Variants in DSCAML1 observed in about 807,000 individuals in gnomAD.
The protein encoded by DSCAML1 is cell adhesion molecule DSCAML1.
A neutral mutation model predicts 200.5 loss-of-function variants in DSCAML1; 38 were observed. That is an observed-to-expected ratio of 0.19 (90% CI 0.15 to 0.25). The LOEUF (loss-of-function observed/expected upper bound fraction) is 0.25. Among genes scored for constraint, DSCAML1 ranks in the 10% least tolerant of loss-of-function variants. The pLI is 1.00. For synonymous variants in DSCAML1, 1,215 were observed against 1,165.0 expected, an observed-to-expected ratio of 1.04 and a Z score of -0.87; for missense variants, 2,223 against 2,858.8, an observed-to-expected ratio of 0.78 and a Z score of 5.07.
chr11:117,554,342 A>C (rs1471472320), intron 3 of DSCAML1, among the ~76,000 whole-genome samples: 1 of 152,092 alleles, frequency 6.6e-6, no homozygotes, highest in Non-Finnish European at 1.5e-5. Context: ...TAAAAGACAG[A>C]TACCATGGAC....
chr11:117,431,810 G>C, intron 30 of DSCAML1, 82 bp from the exon 31 acceptor site: 1 of 1,374,020 alleles, frequency 7.3e-7, no homozygotes, highest in Non-Finnish European at 9.8e-7. Context: ...AGAAAGGGCA[G>C]GGGGGAGCAA....
chr11:117,521,760 A>AC (rs199665978), intron 5 of DSCAML1, among the ~76,000 whole-genome samples: 47 of 140,664 alleles, frequency 3.3e-4, no homozygotes, highest in African/African-American at 1.1e-3. Context: ...CACCTCAGAA[A>AC]CCGGGGGGGG....
In DSCAML1 at chr11:117,516,227, T is replaced by C. The variant is rs762737825; in HGVS notation, c.1783+240A>G. 4.6e-5 allele frequency among the ~76,000 whole-genome samples: 7 copies of C among 152,150 alleles called. No individual in the cohort carries two copies. Among genetic ancestry groups the C allele is most frequent in the Non-Finnish European group, 8.8e-5 (6 of 68,030 alleles). ...AACTCACCCTCTCATGCACCTGGGG[T>C]GTGTGCTGTCTTATTCTGCAGCCCG... On this transcript the variant is annotated intron_variant, in intron 8 of 32. Transcript: ENST00000651296. This position sits in a 1 kb window ranked among gnomAD's most constrained non-coding sequence, Gnocchi z 5.7.
intron 3 of DSCAML1, among the ~76,000 whole-genome samples, chr11:117,591,561 G>C (rs1015922968): frequency 2.6e-5 from 4 of 152,226 alleles, no homozygotes; most frequent in Admixed American, 2.6e-4. Flanking sequence ...TGGGGACGTG[G>C]AGAAGTAGGA....
At chr11:117,781,462 A>G (rs2134055810) in intron 1 of DSCAML1, among the ~76,000 whole-genome samples, 1 of 152,334 alleles carries the variant, frequency 6.6e-6, no homozygotes, top group East Asian at 1.9e-4. Flanking sequence ...CGAAAGTTGT[A>G]AAAGGTCTCA....
In DSCAML1 at chr11:117,437,934, G is replaced by A; in HGVS notation, c.4393C>T (p.Arg1465Cys). Residue 1465 changes from arginine to cysteine, a missense_variant, in exon 25 of 33, where the codon CGC becomes TGC. Physicochemically the swap from Arg to Cys is radical, Grantham distance 180. This residue lies in a region of DSCAML1 where 614 missense variants were observed against 739.1 expected (regional missense o/e 0.83). Transcript: ENST00000651296. The surrounding 1 kb of genome is among the most constrained non-coding windows in gnomAD (Gnocchi z 5.3). ...TTGGCCTCGATGATCTCGCTGATGC[G>A]CCCAGAGCCCACGCTGTTCTTGGCT... Reference protein sequence around the residue: ...LAAKNSVGSGRISEIIEAKTH... With the variant: ...LAAKNSVGSGCISEIIEAKTH... The A allele has an allele frequency of 3.7e-6, 6 of 1,613,022 alleles. No individual in the cohort carries two copies. Among genetic ancestry groups the A allele is most frequent in the South Asian group, 3.3e-5 (3 of 91,036 alleles).
chr11:117,738,032 G>T (rs542362883), intron 3 of DSCAML1, among the ~76,000 whole-genome samples: 2 of 152,332 alleles, frequency 1.3e-5, no homozygotes, highest in African/African-American at 4.8e-5. Flanking sequence ...GGAAGCAATT[G>T]CAGGCTGCAT....
chr11:117,507,406 C>T (rs1323219900), intron 8 of DSCAML1, among the ~76,000 whole-genome samples: 1 of 152,212 alleles, frequency 6.6e-6, no homozygotes, highest in Non-Finnish European at 1.5e-5. Context: ...CCTCCGCCCT[C>T]AGGGCACCCC....
chr11:117,558,644 G>C (rs2050602597), intron 3 of DSCAML1, among the ~76,000 whole-genome samples: 1 of 152,020 alleles, frequency 6.6e-6, no homozygotes, highest in Admixed American at 6.5e-5. Flanking sequence ...TCAGACACTG[G>C]ATTAAAGAAG....
rs954870089 is a variant in DSCAML1 at position 117,428,590 on chromosome 11, G to T, written c.5900C>A (p.Ala1967Asp). ...GGCCAGAGTCCTCTGAGGTAAGGTG[G>T]CTGTGGAGGCGGCAGCGGGGGCCCC... ...HPGAPAAAST[A>D]TLPQRTLAMP... Residue 1967 changes from alanine (A) to aspartate (D), a missense_variant, in exon 33 of 33, where the codon GCC becomes GAC. Transcript: ENST00000651296. 16 of 1,596,652 alleles carry T rather than the reference G, an allele frequency of 1.0e-5. No individual in the cohort carries two copies. The Admixed American group carries it at 2.3e-4, about 22-fold the overall frequency.
chr11:117,478,254 G>A (rs971606670), intron 14 of DSCAML1, among the ~76,000 whole-genome samples: 9 of 152,148 alleles, frequency 5.9e-5, no homozygotes, highest in African/African-American at 1.7e-4. Context: ...GAGGAGGAAC[G>A]GGGGGAGGGG....
intron 3 of DSCAML1, among the ~76,000 whole-genome samples, chr11:117,617,311 C>T (rs747543882): frequency 7.9e-5 from 12 of 152,216 alleles, no homozygotes; most frequent in Non-Finnish European, 1.3e-4. Flanking sequence ...GGAAGCCCTC[C>T]AGGCTCGGCC....
At chr11:117,644,749 G>C (rs1040120913) in intron 3 of DSCAML1, among the ~76,000 whole-genome samples, 4 of 152,222 alleles carry the variant, frequency 2.6e-5, no homozygotes, top group African/African-American at 9.7e-5. Context: ...TGCACCAGGT[G>C]GAGCTGAAGG....
Position 117,489,765 on chromosome 11 carries a change from C to T in DSCAML1, c.2360-7603G>A, listed in dbSNP as rs1261618943. On this transcript the variant is annotated intron_variant, in intron 11 of 32. Coordinates refer to ENST00000651296, the MANE Select transcript of DSCAML1 (RefSeq NM_020693.4). The surrounding 1 kb of genome is among the most constrained non-coding windows in gnomAD (Gnocchi z 4.8). Reference sequence around the variant, plus strand: ...CTTCCAGGGCTCTTCCCTGACACCCCACATTGCATGCAGGCCTCTCCTGCG... The same window carrying T: ...CTTCCAGGGCTCTTCCCTGACACCCTACATTGCATGCAGGCCTCTCCTGCG... Among the ~76,000 whole-genome samples, 1 of 152,278 alleles carries T rather than the reference C, an allele frequency of 6.6e-6. No individual in the cohort carries two copies. The highest frequency in any genetic ancestry group is 1.5e-5 in the Non-Finnish European group (1 of 68,006).
At chr11:117,546,310 G>A (rs563819351) in intron 3 of DSCAML1, among the ~76,000 whole-genome samples, 2 of 152,340 alleles carry the variant, frequency 1.3e-5, no homozygotes, top group Admixed American at 6.5e-5. Flanking sequence ...ATGACGCCAC[G>A]TGAGCCACTG....
chr11:117,777,074 G>A, intron 2 of DSCAML1, 137 bp from the exon 3 acceptor site: 5 of 916,344 alleles, frequency 5.5e-6, no homozygotes, highest in Non-Finnish European at 3.3e-6. Context: ...CCCCCATCCT[G>A]CTTAGCCAGC....
chr11:117,634,630 G>A (rs2052241471), intron 3 of DSCAML1, among the ~76,000 whole-genome samples: 1 of 152,188 alleles, frequency 6.6e-6, no homozygotes, highest in Admixed American at 6.5e-5. Flanking sequence ...TCTGGTGACA[G>A]TAGCTGATCC....
intron 20 of DSCAML1, among the ~76,000 whole-genome samples, chr11:117,447,763 A>G (rs1472197761): frequency 1.3e-5 from 2 of 152,210 alleles, no homozygotes; most frequent in Non-Finnish European, 2.9e-5. Flanking sequence ...ACACAGTCTC[A>G]GGTATCTGCC....
chr11:117,662,922 C>A (rs984717072), intron 3 of DSCAML1, among the ~76,000 whole-genome samples: 2 of 152,152 alleles, frequency 1.3e-5, no homozygotes, highest in Non-Finnish European at 2.9e-5. Context: ...GATTGCCAGG[C>A]GGCATTTAAA....
Sources: allele counts gnomAD v4.1 joint callset (sites outside exome capture counted in the v4.1 genomes callset), GRCh38; gene constraint gnomAD v4.1.1; regional missense constraint gnomAD v4.1.1; non-coding constraint Gnocchi (gnomAD v3.1); transcripts MANE v1.5; gene names NCBI Gene and HGNC (gene_info 2026-07-23, HGNC 2026-07-21).